The following HDAC9 variants were observed in gnomAD, a reference collection of about 807,000 sequenced individuals.
HDAC9 encodes the protein MEF-2 interacting transcription repressor (MITR) protein.
HDAC9 carries 41 observed loss-of-function variants against 139.4 expected under a neutral mutation model. That is an observed-to-expected ratio of 0.29 (90% CI 0.23 to 0.38). HDAC9 has a LOEUF of 0.38. Among genes scored for constraint, HDAC9 ranks in the 10% least tolerant of loss-of-function variants. The pLI is 1.00. For missense variants in HDAC9, 1,147 were observed against 1,297.0 expected (o/e 0.88, Z 1.78); for synonymous variants, 517 against 476.2 (o/e 1.09, Z -1.12).
chr7:18,348,810 T>C (rs1417080974), intron 1 of HDAC9, among the ~76,000 whole-genome samples: 1 of 152,158 alleles, frequency 6.6e-6, no homozygotes, highest in Non-Finnish European at 1.5e-5. Flanking sequence ...AGCTACTATT[T>C]GTTAAGCACT....
intron 22 of HDAC9, among the ~76,000 whole-genome samples, chr7:18,931,848 G>A (rs1357902846): frequency 6.6e-6 from 1 of 152,152 alleles, no homozygotes; most frequent in Non-Finnish European, 1.5e-5. Context: ...GGGGCAGAGA[G>A]GGAGGATGAA....
chr7:18,351,940 G>T (rs570799093), intron 1 of HDAC9, among the ~76,000 whole-genome samples: 30 of 152,226 alleles, frequency 2.0e-4, no homozygotes, highest in African/African-American at 7.2e-4. Context: ...AATATACAAG[G>T]TTATCCACTA....
chr7:18,594,989 T>C (rs1389434338), intron 6 of HDAC9, among the ~76,000 whole-genome samples: 1 of 152,112 alleles, frequency 6.6e-6, no homozygotes, highest in African/African-American at 2.4e-5. Context: ...CAAATAATTA[T>C]ATTCATTTTC....
rs535411791 is a variant in HDAC9 at position 18,792,793 on chromosome 7, C to T, written c.2215-552C>T. ...AAGTGTGAGGACCACACACTCCTTC[C>T]ATTTAGTTGGAGAACCTGACTTGTG... On this transcript the variant is annotated intron_variant, in intron 16 of 25. Coordinates refer to ENST00000686413, the MANE Select transcript of HDAC9 (RefSeq NM_178425.4). 1.8e-4 allele frequency among the ~76,000 whole-genome samples: 27 copies of T among 152,296 alleles called. 1 individual carries two copies. The highest frequency in any genetic ancestry group is 6.3e-4 in the African/African-American group (26 of 41,582).
At chr7:18,826,293 G>A (rs1795428550) in intron 17 of HDAC9, among the ~76,000 whole-genome samples, 1 of 152,188 alleles carries the variant, frequency 6.6e-6, no homozygotes, top group South Asian at 2.1e-4. Flanking sequence ...GCCTTCTGCT[G>A]CAGGCAGGTT....
intron 23 of HDAC9, among the ~76,000 whole-genome samples, chr7:18,936,944 A>T (rs938802765): frequency 6.6e-6 from 1 of 151,600 alleles, no homozygotes; most frequent in African/African-American, 2.4e-5. Context: ...TTTCATATAT[A>T]TTGAAGTAAA....
intron 2 of HDAC9, among the ~76,000 whole-genome samples, chr7:18,501,005 A>C (rs753875599): frequency 1.3e-5 from 2 of 152,284 alleles, no homozygotes; most frequent in Non-Finnish European, 2.9e-5. Context: ...ATCTTTACAC[A>C]TAAAGATGAA....
At chr7:18,955,287 T>A (rs761774663) in intron 24 of HDAC9, among the ~76,000 whole-genome samples, 1 of 152,104 alleles carries the variant, frequency 6.6e-6, no homozygotes, top group Non-Finnish European at 1.5e-5. Context: ...CCTGTCATTG[T>A]CCTGTCTTTG....
At chr7:18,842,998 C>T (rs12056184) in intron 21 of HDAC9, among the ~76,000 whole-genome samples, 2,361 of 152,162 alleles carry the variant, frequency 0.016, 78 homozygotes, top group East Asian at 0.14. Flanking sequence ...CTACAACTTA[C>T]TTCTTCTTAT....
chr7:18,767,306 A>G (rs540340211), intron 16 of HDAC9, among the ~76,000 whole-genome samples, 151 bp downstream of exon 16: 1 of 152,208 alleles, frequency 6.6e-6, no homozygotes, highest in East Asian at 1.9e-4. Context: ...CTAAGTGCCA[A>G]GTAAAAACGT....
At chr7:18,637,857 G>T (rs1174715223) in intron 8 of HDAC9, among the ~76,000 whole-genome samples, 1 of 151,868 alleles carries the variant, frequency 6.6e-6, no homozygotes, top group Non-Finnish European at 1.5e-5. Context: ...TTTAGACTAA[G>T]ACTGTCAGCA....
intron 13 of HDAC9, among the ~76,000 whole-genome samples, chr7:18,744,639 C>G (rs944009198): frequency 6.6e-6 from 1 of 152,096 alleles, no homozygotes; most frequent in African/African-American, 2.4e-5. Flanking sequence ...TCTATAGACT[C>G]AGACTAATAG....
chr7:18,117,871 G>A (rs954245804), intron 1 of HDAC9, among the ~76,000 whole-genome samples: 9 of 152,176 alleles, frequency 5.9e-5, no homozygotes, highest in Admixed American at 5.9e-4. Context: ...AGAGAATGAA[G>A]AGTCAGCAGC....
chr7:18,920,012 G>A (rs986930645), intron 22 of HDAC9, among the ~76,000 whole-genome samples: 1 of 151,876 alleles, frequency 6.6e-6, no homozygotes, highest in South Asian at 2.1e-4. Context: ...ACTTTAACGT[G>A]GTTTTTTCCA....
chr7:18,148,087 T>G (rs2128116483), intron 1 of HDAC9, among the ~76,000 whole-genome samples: 1 of 152,346 alleles, frequency 6.6e-6, no homozygotes, highest in South Asian at 2.1e-4. Context: ...TGTTGGGGAA[T>G]TTCTCTAGGA....
chr7:18,992,618 C>CTATT (rs1321005676), intron 25 of HDAC9, among the ~76,000 whole-genome samples: 1 of 151,948 alleles, frequency 6.6e-6, no homozygotes, highest in Non-Finnish European at 1.5e-5. Flanking sequence ...TAAACAAATG[C>CTATT]TATTTTTAAA....
intron 16 of HDAC9, among the ~76,000 whole-genome samples, chr7:18,791,677 G>T (rs372460704): frequency 6.6e-6 from 1 of 152,292 alleles, no homozygotes; most frequent in African/African-American, 2.4e-5. Flanking sequence ...TGATGGAAAG[G>T]CATGTGCTGA....
intron 12 of HDAC9, among the ~76,000 whole-genome samples, chr7:18,670,604 G>A (rs1170975329): frequency 1.3e-5 from 2 of 152,036 alleles, no homozygotes; most frequent in Non-Finnish European, 2.9e-5. Flanking sequence ...AGAGATGAGA[G>A]CACTGCAAAA....
intron 12 of HDAC9, among the ~76,000 whole-genome samples, chr7:18,720,055 C>T (rs1239108163): frequency 6.6e-6 from 1 of 152,084 alleles, no homozygotes; most frequent in Non-Finnish European, 1.5e-5. Context: ...CTGTATAGTA[C>T]AGTAAGTTTT....
Sources: allele counts gnomAD v4.1 joint callset (sites outside exome capture counted in the v4.1 genomes callset), GRCh38; gene constraint gnomAD v4.1.1; transcripts MANE v1.5; gene names NCBI Gene and HGNC (gene_info 2026-07-23, HGNC 2026-07-21).